The following C1QTNF3 variants were observed in gnomAD, a reference collection of about 807,000 sequenced individuals.
C1QTNF3 encodes the protein complement C1q tumor necrosis factor-related protein 3.
A neutral mutation model predicts 32.6 loss-of-function variants in C1QTNF3; 26 were observed. That is an observed-to-expected ratio of 0.80 (90% confidence interval 0.58 to 1.11). The LOEUF (loss-of-function observed/expected upper bound fraction) is 1.11, where lower values mean the gene tolerates loss of function less well. Among genes scored for constraint, C1QTNF3 ranks in the 50% least tolerant of loss-of-function variants. C1QTNF3 has a pLI of 0.00. For synonymous variants in C1QTNF3, 155 were observed against 146.0 expected, an observed-to-expected ratio of 1.06 and a Z score of -0.44; for missense variants, 362 against 398.2, an observed-to-expected ratio of 0.91 and a Z score of 0.77.
At chr5:34,222,663 T>C in the C1QTNF3 span, among the ~76,000 whole-genome samples, 6 of 151,914 alleles carry the variant, frequency 3.9e-5, no homozygotes, top group Non-Finnish European at 8.8e-5. Flanking sequence ...GTGTCACTTA[T>C]ATATAAATTC....
At chr5:34,230,281 A>AT in the C1QTNF3 span, among the ~76,000 whole-genome samples, 1 of 152,106 alleles carries the variant, frequency 6.6e-6, no homozygotes, top group African/African-American at 2.4e-5. Flanking sequence ...CAATGCTTTG[A>AT]TTTTAAATCA....
intron 4 of C1QTNF3, among the ~76,000 whole-genome samples, chr5:34,024,673 A>G (rs1043047830): frequency 2.6e-5 from 4 of 152,238 alleles, no homozygotes; most frequent in African/African-American, 9.6e-5. Context: ...ATATTTTAAA[A>G]GATTTGAGTT....
the C1QTNF3 span, among the ~76,000 whole-genome samples, chr5:34,218,659 G>A: frequency 1.3e-5 from 2 of 152,008 alleles, no homozygotes; most frequent in African/African-American, 2.4e-5. Flanking sequence ...AGAGTTTTGC[G>A]AACAGTTTTG....
chr5:34,142,164 GC>G, the C1QTNF3 span, among the ~76,000 whole-genome samples: 2 of 152,208 alleles, frequency 1.3e-5, no homozygotes, highest in Non-Finnish European at 2.9e-5. Context: ...GGGCGCACTG[GC>G]TCATGCCTGT....
chr5:34,135,474 G>A, the C1QTNF3 span, among the ~76,000 whole-genome samples: 1 of 152,008 alleles, frequency 6.6e-6, no homozygotes, highest in Non-Finnish European at 1.5e-5. Context: ...CTATTGATTG[G>A]AATAGTTTCA....
the C1QTNF3 span, among the ~76,000 whole-genome samples, chr5:34,105,408 G>C: frequency 6.6e-6 from 1 of 151,856 alleles, no homozygotes; most frequent in Non-Finnish European, 1.5e-5. Flanking sequence ...AGGCTTTCTT[G>C]ACTAATACCT....
At chr5:34,117,008 C>T in the C1QTNF3 span, among the ~76,000 whole-genome samples, 1 of 152,058 alleles carries the variant, frequency 6.6e-6, no homozygotes, top group South Asian at 2.1e-4. Flanking sequence ...TGAAGTACCT[C>T]CCTTGTAAAC....
At chr5:34,074,133 T>A in the C1QTNF3 span, among the ~76,000 whole-genome samples, 58 of 152,344 alleles carry the variant, frequency 3.8e-4, no homozygotes, top group South Asian at 0.012. Context: ...CAAAACAAAC[T>A]ATCAGATATT....
At chr5:34,047,689 A>G (rs1334696510), upstream of C1QTNF3, among the ~76,000 whole-genome samples, 1 of 152,246 alleles carries the variant, frequency 6.6e-6, no homozygotes, top group Non-Finnish European at 1.5e-5. Context: ...TTTGATTTAA[A>G]CCAATTAGAG....
chr5:34,139,208 G>T, the C1QTNF3 span, among the ~76,000 whole-genome samples: 1 of 151,494 alleles, frequency 6.6e-6, no homozygotes, highest in Admixed American at 6.6e-5. Context: ...ACATATATGT[G>T]TGCTTATATA....
At chr5:34,038,566 T>G (rs533776209) in intron 1 of C1QTNF3, among the ~76,000 whole-genome samples, 1 of 152,296 alleles carries the variant, frequency 6.6e-6, no homozygotes, top group South Asian at 2.1e-4. Flanking sequence ...TGGAATTTCT[T>G]TATTTGACTA....
chr5:34,124,853 C>G, the C1QTNF3 span, among the ~76,000 whole-genome samples: 1 of 152,156 alleles, frequency 6.6e-6, no homozygotes, highest in East Asian at 1.9e-4. Context: ...GTGATTGATT[C>G]TCCACTAAAT....
At chr5:34,082,940 T>C in the C1QTNF3 span, among the ~76,000 whole-genome samples, 3 of 151,770 alleles carry the variant, frequency 2.0e-5, no homozygotes, top group Non-Finnish European at 4.4e-5. Flanking sequence ...TGTGTGAATA[T>C]AATACTATTG....
the C1QTNF3 span, among the ~76,000 whole-genome samples, chr5:34,146,394 T>C: frequency 6.6e-6 from 1 of 152,180 alleles, no homozygotes; most frequent in Admixed American, 6.5e-5. Flanking sequence ...TCCAGGGACA[T>C]TGTACTACCA....
the C1QTNF3 span, among the ~76,000 whole-genome samples, chr5:34,163,279 C>G: frequency 1.3e-5 from 2 of 152,010 alleles, no homozygotes; most frequent in Non-Finnish European, 2.9e-5. Flanking sequence ...ACAACCCCCC[C>G]ATGACATGTG....
chr5:34,024,308 G>C (rs1285593566), intron 4 of C1QTNF3: 1 of 280,054 alleles, frequency 3.6e-6, no homozygotes, highest in Non-Finnish European at 7.0e-6. Flanking sequence ...GGGCAAAGTA[G>C]GCGTTGTTCC....
the C1QTNF3 span, among the ~76,000 whole-genome samples, chr5:34,116,985 T>C: frequency 4.6e-5 from 7 of 152,324 alleles, no homozygotes; most frequent in Admixed American, 1.3e-4. Context: ...AAATACATTT[T>C]AATTTCTGAT....
chr5:34,209,112 A>G, the C1QTNF3 span, among the ~76,000 whole-genome samples: 1 of 152,204 alleles, frequency 6.6e-6, no homozygotes, highest in African/African-American at 2.4e-5. Flanking sequence ...ATAGTATTGA[A>G]GGTGAGACAA....
the C1QTNF3 span, among the ~76,000 whole-genome samples, chr5:34,201,284 C>T: frequency 6.6e-6 from 1 of 152,004 alleles, no homozygotes; most frequent in Admixed American, 6.6e-5. Context: ...GAAAAAATCC[C>T]AAGACTTTTA....
Sources: gnomAD v4.1 joint callset for allele counts (sites outside exome capture counted in the v4.1 genomes callset) on GRCh38, gnomAD v4.1.1 for gene constraint, MANE v1.5 for transcripts, NCBI Gene and HGNC (gene_info 2026-07-23, HGNC 2026-07-21) for gene names.